TMEM233: variants seen among roughly 807,000 people sequenced by gnomAD.
The protein encoded by TMEM233 is transmembrane protein 233.
Under a neutral mutation model 11.2 loss-of-function variants are expected in TMEM233, and 6 were observed. That is an observed-to-expected ratio of 0.54 (90% CI 0.29 to 1.06). The LOEUF (loss-of-function observed/expected upper bound fraction) is 1.06, where lower values mean the gene tolerates loss of function less well. TMEM233 is among the 50% of genes least tolerant of loss of function. TMEM233 has a pLI of 0.08. For missense variants in TMEM233, 127 were observed against 144.7 expected (o/e 0.88, Z 0.63); for synonymous variants, 59 against 55.8 (o/e 1.06, Z -0.26).
intron 1 of TMEM233, among the ~76,000 whole-genome samples, chr12:119,618,354 TCC>T (rs1416445392): frequency 6.6e-6 from 1 of 152,018 alleles, no homozygotes; most frequent in African/African-American, 2.4e-5. Flanking sequence ...CCACACAAGG[TCC>T]CCACTGGGGC....
chr12:119,623,147 G>A (rs965932175), intron 1 of TMEM233, among the ~76,000 whole-genome samples: 2 of 152,150 alleles, frequency 1.3e-5, no homozygotes, highest in East Asian at 1.9e-4. Flanking sequence ...ACCCTTCTAC[G>A]TGACAGATTG....
intron 2 of TMEM233, among the ~76,000 whole-genome samples, chr12:119,636,500 T>G (rs1180639837): frequency 6.6e-6 from 1 of 152,162 alleles, no homozygotes; most frequent in Non-Finnish European, 1.5e-5. Flanking sequence ...TTTTGGTTTT[T>G]GAGACAGGGG....
At chr12:119,623,393 C>T (rs1191500521) in intron 1 of TMEM233, among the ~76,000 whole-genome samples, 1 of 152,048 alleles carries the variant, frequency 6.6e-6, no homozygotes, top group African/African-American at 2.4e-5. Flanking sequence ...ATTATGAGCT[C>T]AGAATTTAGG....
intron 1 of TMEM233, among the ~76,000 whole-genome samples, chr12:119,623,352 G>A (rs1954684141): frequency 6.6e-6 from 1 of 152,132 alleles, no homozygotes; most frequent in South Asian, 2.1e-4. Flanking sequence ...GTCGGTTTGG[G>A]AAGGTCTGAA....
chr12:119,624,141 G>A (rs1954703898), intron 1 of TMEM233, among the ~76,000 whole-genome samples: 1 of 151,872 alleles, frequency 6.6e-6, no homozygotes, highest in African/African-American at 2.4e-5. Flanking sequence ...CTTGAGGTCA[G>A]GAGTTTGAAA....
At chr12:119,596,506 T>TTC (rs1269892960) in intron 1 of TMEM233, among the ~76,000 whole-genome samples, 3 of 147,920 alleles carry the variant, frequency 2.0e-5, no homozygotes, top group Non-Finnish European at 4.5e-5. Flanking sequence ...TTTTTTTTTT[T>TTC]TTTGAGACGG....
intron 1 of TMEM233, among the ~76,000 whole-genome samples, chr12:119,608,826 T>C (rs1954336957): frequency 1.3e-5 from 2 of 152,248 alleles, no homozygotes; most frequent in Admixed American, 1.3e-4. Context: ...TATTCATTTA[T>C]TCACTCAAAA....
intron 1 of TMEM233, among the ~76,000 whole-genome samples, chr12:119,598,843 A>G (rs1164311641): frequency 6.6e-6 from 1 of 152,202 alleles, no homozygotes; most frequent in Non-Finnish European, 1.5e-5. Context: ...CCCAAGTGCA[A>G]TTGTGGAGAT....
At chr12:119,626,523 G>GGAGGA (rs1244993604) in intron 1 of TMEM233, among the ~76,000 whole-genome samples, 2 of 58,788 alleles carry the variant, frequency 3.4e-5, no homozygotes, top group Admixed American at 3.3e-4. Context: ...AGGAGGAGAA[G>GGAGGA]GGAGAAGGGA....
chr12:119,614,860 A>C (rs968661262), intron 1 of TMEM233, among the ~76,000 whole-genome samples: 3 of 152,136 alleles, frequency 2.0e-5, no homozygotes, highest in Admixed American at 6.5e-5. Context: ...CAGAATATTC[A>C]ATAAATATTA....
At chr12:119,625,668 A>G (rs1593300546) in intron 1 of TMEM233, among the ~76,000 whole-genome samples, 2 of 152,342 alleles carry the variant, frequency 1.3e-5, no homozygotes, top group South Asian at 2.1e-4. Context: ...CTCAAATATA[A>G]GTGAGCAAAT....
intron 2 of TMEM233, chr12:119,631,371 TG>T: frequency 2.9e-6 from 1 of 344,610 alleles, no homozygotes; most frequent in Non-Finnish European, 4.1e-6. Flanking sequence ...GCAGATGTCA[TG>T]GTAGATCCAC....
chr12:119,626,518 G>A (rs1954763497), intron 1 of TMEM233, among the ~76,000 whole-genome samples: 1 of 84,026 alleles, frequency 1.2e-5, no homozygotes, highest in African/African-American at 5.1e-5. Flanking sequence ...GGAGGAGGAG[G>A]AGAAGGGAGA....
At chr12:119,654,152 A>T in the TMEM233 span, among the ~76,000 whole-genome samples, 32 of 152,308 alleles carry the variant, frequency 2.1e-4, no homozygotes, top group African/African-American at 7.5e-4. Context: ...TGGCATCAAG[A>T]CTTGATTCTC....
chr12:119,602,666 C>A (rs987954657), intron 1 of TMEM233, among the ~76,000 whole-genome samples: 1 of 152,176 alleles, frequency 6.6e-6, no homozygotes, highest in South Asian at 2.1e-4. Context: ...TATTTAGGAA[C>A]CTAGAATTTA....
intron 1 of TMEM233, among the ~76,000 whole-genome samples, chr12:119,598,112 A>G (rs1954084859): frequency 1.3e-5 from 2 of 152,218 alleles, no homozygotes; most frequent in Non-Finnish European, 2.9e-5. Context: ...TTGTTATTCA[A>G]CATGTACTTA....
intron 1 of TMEM233, among the ~76,000 whole-genome samples, chr12:119,624,072 G>T (rs1954702390): frequency 6.6e-6 from 1 of 151,988 alleles, no homozygotes; most frequent in Admixed American, 6.6e-5. Flanking sequence ...ATAATAGGCT[G>T]GGTAAGGTGG....
the TMEM233 span, among the ~76,000 whole-genome samples, chr12:119,648,659 C>G: frequency 0.012 from 1,830 of 152,328 alleles, 20 homozygotes; most frequent in Non-Finnish European, 0.018. Flanking sequence ...CCCATGAGGG[C>G]AGGGACCATG....
At chr12:119,615,405 T>C (rs1314241295) in intron 1 of TMEM233, among the ~76,000 whole-genome samples, 1 of 151,984 alleles carries the variant, frequency 6.6e-6, no homozygotes, top group African/African-American at 2.4e-5. Context: ...AGGACAGTGG[T>C]TCTCAAGTCT....
Sources: gnomAD v4.1 joint callset for allele counts (sites outside exome capture counted in the v4.1 genomes callset) on GRCh38, gnomAD v4.1.1 for gene constraint, MANE v1.5 for transcripts, NCBI Gene and HGNC (gene_info 2026-07-23, HGNC 2026-07-21) for gene names.